The following FHOD3 variants were observed in gnomAD, a reference collection of about 807,000 sequenced individuals.
FHOD3 encodes the protein FH1/FH2 domain-containing protein 3.
A neutral mutation model predicts 173.0 loss-of-function variants in FHOD3; 90 were observed. The ratio of observed to expected loss-of-function variants is 0.52; its 90% confidence interval spans 0.44 to 0.62. FHOD3 has a LOEUF of 0.62. FHOD3 is among the 20% of genes least tolerant of loss of function. The probability of loss-of-function intolerance (pLI) is 0.00; values close to 1 mark genes in which losing one functional copy is unlikely to be tolerated. For missense variants in FHOD3, 1,945 were observed against 2,034.7 expected (o/e 0.96, Z 0.85); for synonymous variants, 828 against 823.0 (o/e 1.01, Z -0.10).
intron 3 of FHOD3, among the ~76,000 whole-genome samples, chr18:36,409,509 C>T (rs774254481): frequency 6.6e-6 from 1 of 152,160 alleles, no homozygotes; most frequent in Admixed American, 6.5e-5. Flanking sequence ...TTCCCAGGAA[C>T]CTTCCCGTGT....
chr18:36,651,982 AT>A (rs530926536), intron 11 of FHOD3, among the ~76,000 whole-genome samples: 242 of 152,182 alleles, frequency 1.6e-3, no homozygotes, highest in Non-Finnish European at 2.3e-3. Context: ...AACGGGCAAA[AT>A]TTGTCTTTTT....
chr18:36,620,436 C>A (rs1033653008), intron 9 of FHOD3, among the ~76,000 whole-genome samples: 1 of 152,176 alleles, frequency 6.6e-6, no homozygotes, highest in Non-Finnish European at 1.5e-5. Context: ...TTCTGTTTGT[C>A]CCCCTACTGC....
At chr18:36,606,549 C>T (rs1332893284) in intron 8 of FHOD3, among the ~76,000 whole-genome samples, 1 of 152,074 alleles carries the variant, frequency 6.6e-6, no homozygotes, top group East Asian at 1.9e-4. Flanking sequence ...AGCATTCTGC[C>T]CCCTGTCCCC....
intron 3 of FHOD3, among the ~76,000 whole-genome samples, chr18:36,442,412 TA>T (rs1377409902): frequency 3.3e-5 from 5 of 152,124 alleles, no homozygotes; most frequent in South Asian, 2.1e-4. Context: ...CTCTGAGACT[TA>T]AAAAAATTAT....
chr18:36,598,184 A>G (rs1331368853), intron 7 of FHOD3, among the ~76,000 whole-genome samples: 4 of 152,204 alleles, frequency 2.6e-5, no homozygotes, highest in Non-Finnish European at 4.4e-5. Flanking sequence ...TACTTCTCAA[A>G]GTGGCTTTAG....
chr18:36,671,172 C>T (rs145736924), intron 14 of FHOD3, among the ~76,000 whole-genome samples: 1 of 152,346 alleles, frequency 6.6e-6, no homozygotes, highest in East Asian at 1.9e-4. Context: ...TCTGTATAGA[C>T]CCTTTCTGGT....
At chr18:36,354,091 A>C (rs1014375050) in intron 1 of FHOD3, among the ~76,000 whole-genome samples, 2 of 152,232 alleles carry the variant, frequency 1.3e-5, no homozygotes, top group African/African-American at 4.8e-5. Context: ...CTAAGGCAAG[A>C]CTGTGTGCCT....
chr18:36,572,612 T>G (rs2058491608), intron 5 of FHOD3, among the ~76,000 whole-genome samples: 1 of 152,166 alleles, frequency 6.6e-6, no homozygotes, highest in African/African-American at 2.4e-5. Flanking sequence ...ATGATCCAGT[T>G]AATAGAATGT....
chr18:36,351,437 G>A (rs752618018), intron 1 of FHOD3, among the ~76,000 whole-genome samples: 23 of 152,048 alleles, frequency 1.5e-4, no homozygotes, highest in Non-Finnish European at 2.8e-4. Flanking sequence ...GAGGATGAAC[G>A]TCCACCCATT....
At chr18:36,428,892 A>G (rs533877750) in intron 3 of FHOD3, among the ~76,000 whole-genome samples, 1 of 152,282 alleles carries the variant, frequency 6.6e-6, no homozygotes, top group Non-Finnish European at 1.5e-5. Context: ...TTCAAGCAGG[A>G]TTATGGAAAC....
intron 18 of FHOD3, among the ~76,000 whole-genome samples, chr18:36,715,312 GGCACTC>G (rs1393857488): frequency 6.6e-6 from 1 of 152,118 alleles, no homozygotes; most frequent in East Asian, 1.9e-4. Context: ...CTCTTTGCTG[GGCACTC>G]ATTCTTCTCT....
At chr18:36,694,903 C>G (rs2039173074) in intron 17 of FHOD3, among the ~76,000 whole-genome samples, 1 of 151,992 alleles carries the variant, frequency 6.6e-6, no homozygotes, top group Admixed American at 6.6e-5. Context: ...TAACTCGAGA[C>G]CATTCTAGCC....
At position 36,612,110 on chromosome 18, in the gene FHOD3, C is replaced by CT; in HGVS notation, c.957+19dup. ...ACATTTATGAGGTACCAGACCATGC[C>CT]TTTTGTAAGGTATCGTACAGCTTTG... On this transcript the variant is annotated intron_variant, in intron 9 of 28. Transcript: ENST00000590592. 6.2e-7 allele frequency: 1 copy of CT among 1,611,288 alleles called. No individual in the cohort carries two copies. The highest frequency in any genetic ancestry group is 8.5e-7 in the Non-Finnish European group (1 of 1,178,900).
Position 36,592,333 on chromosome 18 carries a change from A to G in FHOD3, c.607-2454A>G, listed in dbSNP as rs568271433. Among the ~76,000 whole-genome samples the G allele has an allele frequency of 4.6e-5, 7 of 152,386 alleles. No homozygotes were observed. The East Asian group carries it at 1.3e-3, about 29-fold the overall frequency. On this transcript the variant is annotated intron_variant, in intron 6 of 28. Coordinates refer to ENST00000590592, the MANE Select transcript of FHOD3 (RefSeq NM_001281740.3). ...TTTCTCTGATCTGAAGGATGAGGTC[A>G]GTCCTGTGATGACTGGTTCCAGGTG...
In FHOD3 at chr18:36,645,405, G is replaced by C. The variant is rs552771188; in HGVS notation, c.1197-3911G>C. On this transcript the variant is annotated intron_variant, in intron 10 of 28. Coordinates refer to ENST00000590592, the MANE Select transcript of FHOD3 (RefSeq NM_001281740.3). ...ATTGTGCCACTGCACCTCAGCCTGGGTGACAGAGTGAGACTCTGTCTCAAA... is the reference window on the plus strand; with the variant it reads ...ATTGTGCCACTGCACCTCAGCCTGGCTGACAGAGTGAGACTCTGTCTCAAA... Among the ~76,000 whole-genome samples, 33 of 152,192 alleles carry C rather than the reference G, an allele frequency of 2.2e-4. 1 individual carries two copies. The highest frequency in any genetic ancestry group is 9.8e-4 in the Admixed American group (15 of 15,288).
chr18:36,772,751 T>C (rs189232562), intron 28 of FHOD3, among the ~76,000 whole-genome samples: 2 of 152,340 alleles, frequency 1.3e-5, no homozygotes, highest in Admixed American at 6.5e-5. Flanking sequence ...CTGGTGCCAA[T>C]CAGGGGCACA....
intron 1 of FHOD3, among the ~76,000 whole-genome samples, chr18:36,354,565 G>T (rs1162140587): frequency 6.6e-6 from 1 of 152,168 alleles, no homozygotes; most frequent in East Asian, 1.9e-4. Context: ...ACTTTGGGAG[G>T]CCGAGGCGGG....
intron 17 of FHOD3, among the ~76,000 whole-genome samples, chr18:36,699,801 G>A (rs532234656): frequency 8.5e-5 from 13 of 152,330 alleles, no homozygotes; most frequent in Admixed American, 3.3e-4. Context: ...TGACCATGCA[G>A]TGTGTTTCAT....
intron 3 of FHOD3, among the ~76,000 whole-genome samples, chr18:36,482,848 C>A (rs1367538241): frequency 1.8e-5 from 1 of 54,546 alleles, no homozygotes; most frequent in Non-Finnish European, 3.5e-5. Flanking sequence ...CACACACACT[C>A]ACACACACAC....
Sources: gnomAD v4.1 joint callset for allele counts (sites outside exome capture counted in the v4.1 genomes callset) on GRCh38, gnomAD v4.1.1 for gene constraint, MANE v1.5 for transcripts, NCBI Gene and HGNC (gene_info 2026-07-23, HGNC 2026-07-21) for gene names.